PAIP2B: variants seen among roughly 807,000 people sequenced by gnomAD.
PAIP2B encodes the protein poly(A) binding protein interacting protein 2B, also known as polyadenylate-binding protein-interacting protein 2B.
PAIP2B carries 13 observed loss-of-function variants against 17.0 expected under a neutral mutation model. The observed-to-expected ratio is 0.76, with a 90% confidence interval of 0.50 to 1.22. The LOEUF (loss-of-function observed/expected upper bound fraction) is 1.22. Among genes scored for constraint, PAIP2B ranks in the 50% most tolerant of loss-of-function variants. The pLI is 0.00. For synonymous variants in PAIP2B, 43 were observed against 48.7 expected (o/e 0.88, Z 0.48); for missense variants, 117 against 144.5 (o/e 0.81, Z 0.98).
chr2:71,206,092 T>A (rs551817773), intron 1 of PAIP2B, among the ~76,000 whole-genome samples: 57 of 152,352 alleles, frequency 3.7e-4, no homozygotes, highest in African/African-American at 1.3e-3. Flanking sequence ...TGTTTTAACC[T>A]GCTAATCTTT....
intron 1 of PAIP2B, among the ~76,000 whole-genome samples, chr2:71,207,910 A>G (rs1410653609): frequency 2.0e-5 from 3 of 152,130 alleles, no homozygotes; most frequent in Non-Finnish European, 4.4e-5. Flanking sequence ...GACATGTTAA[A>G]TTTGCAATGC....
intron 2 of PAIP2B, among the ~76,000 whole-genome samples, chr2:71,199,978 T>G (rs1319115582): frequency 1.7e-4 from 26 of 152,194 alleles, no homozygotes; most frequent in Admixed American, 1.6e-3. Context: ...TCCCACTACT[T>G]TTCTTGAGAC....
intron 2 of PAIP2B, among the ~76,000 whole-genome samples, chr2:71,201,499 G>A (rs1674984477): frequency 6.6e-6 from 1 of 151,676 alleles, no homozygotes; most frequent in Admixed American, 6.6e-5. Flanking sequence ...TTGTGCCTCA[G>A]CCTCCCAAGT....
chr2:71,188,397 T>C lies in PAIP2B; in HGVS notation c.*82A>G. 9 of 697,924 alleles carry C rather than the reference T, an allele frequency of 1.3e-5. No individual in the cohort carries two copies. Among genetic ancestry groups the C allele is most frequent in the Admixed American group, 2.3e-5 (1 of 43,274 alleles). 43.2% of individuals were successfully genotyped at this position (697,924 alleles called of 1,614,324 possible). A position where few individuals can be genotyped will look rare whatever the true frequency, so the allele number is the denominator to read the frequency against. On this transcript the variant is annotated 3_prime_UTR_variant, in exon 4 of 4. Coordinates refer to ENST00000244221, the MANE Select transcript of PAIP2B (RefSeq NM_020459.1). The stretch of plus-strand genomic sequence containing the variant: ...CGCTGTGCACCCCTCGCCCGCCCCA[T>C]CCCCCTCTTCAGCTCCACCATTTTG...
At chr2:71,215,219 A>T (rs1675396476) in intron 1 of PAIP2B, among the ~76,000 whole-genome samples, 1 of 152,150 alleles carries the variant, frequency 6.6e-6, no homozygotes, top group South Asian at 2.1e-4. Flanking sequence ...ATTACCTGGG[A>T]AAGTTATTAA....
At chr2:71,213,205 G>A (rs1389573421) in intron 1 of PAIP2B, among the ~76,000 whole-genome samples, 2 of 152,102 alleles carry the variant, frequency 1.3e-5, no homozygotes, top group Non-Finnish European at 2.9e-5. Flanking sequence ...TAAACTAGAA[G>A]AAATTCATAC....
At chr2:71,210,693 A>AT (rs1475104751) in intron 1 of PAIP2B, among the ~76,000 whole-genome samples, 1 of 152,244 alleles carries the variant, frequency 6.6e-6, no homozygotes, top group Non-Finnish European at 1.5e-5. Context: ...TAAATTACAA[A>AT]TAGAGGCATT....
In PAIP2B at chr2:71,211,141, G is replaced by C. The variant is rs575360433; in HGVS notation, c.-11-8541C>G. ...AGGCGCCTGTAATCCCAGCTATTCGGGGAGGTAGGGGGTGAAGCGAGGCAG... is the reference window on the plus strand; with the variant it reads ...AGGCGCCTGTAATCCCAGCTATTCGCGGAGGTAGGGGGTGAAGCGAGGCAG... On this transcript the variant is annotated intron_variant, in intron 1 of 3. Coordinates refer to ENST00000244221, the MANE Select transcript of PAIP2B (RefSeq NM_020459.1). Among the ~76,000 whole-genome samples, 12 of 152,190 alleles carry C rather than the reference G, an allele frequency of 7.9e-5. No homozygotes were observed. In the South Asian group the frequency reaches 2.5e-3, roughly 32 times the overall value.
In PAIP2B at chr2:71,187,949, C is replaced by G. The variant is rs1345437895; in HGVS notation, c.*530G>C. 1.9e-5 allele frequency: 3 copies of G among 154,842 alleles called. No individual in the cohort carries two copies. The highest frequency in any genetic ancestry group is 7.2e-5 in the African/African-American group (3 of 41,572). 9.6% of individuals were successfully genotyped at this position (154,842 alleles called of 1,614,324 possible). ...ACAAACAGGCAAGGGCTTGACAGCA[C>G]ATTGGTTATCCGAGTTCATTGCAGG... On this transcript the variant is annotated 3_prime_UTR_variant, in exon 4 of 4. Transcript: ENST00000244221.
chr2:71,210,570 A>T (rs909076406), intron 1 of PAIP2B, among the ~76,000 whole-genome samples: 9 of 152,230 alleles, frequency 5.9e-5, no homozygotes, highest in Non-Finnish European at 7.3e-5. Flanking sequence ...ACTTACCTGC[A>T]ATTATAAGTT....
chr2:71,194,079 G>C (rs891425609), intron 2 of PAIP2B, among the ~76,000 whole-genome samples: 3 of 152,048 alleles, frequency 2.0e-5, no homozygotes, highest in Non-Finnish European at 4.4e-5. Flanking sequence ...TGGTTTATGT[G>C]CCTGCTTTTG....
In PAIP2B at chr2:71,186,074, A is replaced by T. The variant is rs189731902; in HGVS notation, c.*2405T>A. ...ACCCCTTATAAATACAAGTCTTACC[A>T]TTAAAGGGTAAAGGTGTCCAGTCTG... is the stretch of plus-strand genomic sequence containing the variant. On this transcript the variant is annotated 3_prime_UTR_variant, in exon 4 of 4. Transcript: ENST00000244221. 6.6e-6 allele frequency: 1 copy of T among 152,234 alleles called. No homozygotes were observed. Among genetic ancestry groups the T allele is most frequent in the Non-Finnish European group, 1.5e-5 (1 of 68,044 alleles). The allele number at this position is 152,234 out of a possible 1,614,324, so 9.4% of individuals were successfully genotyped here. A position where few individuals can be genotyped will look rare whatever the true frequency, so the allele number is the denominator to read the frequency against.
At chr2:71,191,867 T>A (rs1239172891) in intron 2 of PAIP2B, among the ~76,000 whole-genome samples, 2 of 152,180 alleles carry the variant, frequency 1.3e-5, no homozygotes, top group African/African-American at 4.8e-5. Context: ...CTTGGACTGT[T>A]AACCTCACAG....
At chr2:71,197,949 A>G (rs906454640) in intron 2 of PAIP2B, among the ~76,000 whole-genome samples, 20 of 152,342 alleles carry the variant, frequency 1.3e-4, no homozygotes, top group African/African-American at 4.3e-4. Context: ...TTGGGTGGTG[A>G]CACAGAGCCA....
At chr2:71,190,651 T>C (rs1286052186) in intron 2 of PAIP2B, among the ~76,000 whole-genome samples, 8 of 152,214 alleles carry the variant, frequency 5.3e-5, no homozygotes, top group Non-Finnish European at 8.8e-5. Context: ...ACAGATATCA[T>C]GGAAAATCAT....
At chr2:71,205,000 G>A (rs4386349) in intron 1 of PAIP2B, among the ~76,000 whole-genome samples, 108,504 of 151,916 alleles carry the variant, frequency 0.71, 39,022 homozygotes, top group Middle Eastern at 0.79. Context: ...TGCCCAAAAA[G>A]TAAGTCCTGA....
At chr2:71,200,376 C>T (rs150584237) in intron 2 of PAIP2B, among the ~76,000 whole-genome samples, 207 of 152,268 alleles carry the variant, frequency 1.4e-3, no homozygotes, top group African/African-American at 4.7e-3. Context: ...ATTCCTAAAC[C>T]CTCCTGCTCC....
chr2:71,224,332 A>C (rs1442215307), intron 1 of PAIP2B, among the ~76,000 whole-genome samples: 2 of 152,216 alleles, frequency 1.3e-5, no homozygotes, highest in Non-Finnish European at 2.9e-5. Context: ...TCTGTGTGAG[A>C]TATGTATATA....
intron 3 of PAIP2B, 84 bp from the exon 4 acceptor site, chr2:71,188,619 C>T: frequency 2.5e-6 from 3 of 1,179,260 alleles, no homozygotes; most frequent in Non-Finnish European, 3.7e-6. Context: ...AGTACCTTCC[C>T]CTTAGCTTTA....
Sources: allele counts gnomAD v4.1 joint callset (sites outside exome capture counted in the v4.1 genomes callset), GRCh38; gene constraint gnomAD v4.1.1; transcripts MANE v1.5; gene names NCBI Gene and HGNC (gene_info 2026-07-23, HGNC 2026-07-21).